The following VRK2 variants were observed in gnomAD, a reference collection of about 807,000 sequenced individuals.
VRK2 encodes serine/threonine-protein kinase VRK2.
In VRK2, 60 loss-of-function variants were observed where a neutral mutation model predicts 57.6. The ratio of observed to expected loss-of-function variants is 1.04; its 90% CI spans 0.85 to 1.29. The LOEUF is 1.29. Ranked by LOEUF, VRK2 falls within the 50% of genes most tolerant of loss-of-function variation. The probability of loss-of-function intolerance (pLI) is 0.00; values close to 1 mark genes in which losing one functional copy is unlikely to be tolerated. For missense variants in VRK2, 705 were observed against 588.1 expected (o/e 1.20, Z -2.06); for synonymous variants, 231 against 199.2 (o/e 1.16, Z -1.35).
rs537488119 is a variant in VRK2, at chr2:58,116,941, C to G, written c.544-6160C>G. The stretch of plus-strand genomic sequence containing the variant: ...GCTGCGGTTCAGGCGTTTGGAAGTT[C>G]TTGTGTGCTGGAGATGTGGCTGGGG... On this transcript the variant is annotated intron_variant, in intron 7 of 12. Coordinates refer to ENST00000340157, the MANE Select transcript of VRK2 (RefSeq NM_006296.7). Among the ~76,000 whole-genome samples, 49 of 152,208 alleles carry G rather than the reference C, an allele frequency of 3.2e-4. No individual in the cohort carries two copies. The South Asian group carries it at 9.4e-3, about 29-fold the overall frequency.
chr2:58,097,830 T>C (rs1673376850), intron 7 of VRK2, among the ~76,000 whole-genome samples: 1 of 146,108 alleles, frequency 6.8e-6, no homozygotes, highest in Non-Finnish European at 1.5e-5. Flanking sequence ...TAAACAACTA[T>C]GTTACTAGTT....
intron 1 of VRK2, among the ~76,000 whole-genome samples, chr2:57,994,521 G>C (rs1672866069): frequency 6.6e-6 from 1 of 152,092 alleles, no homozygotes; most frequent in Non-Finnish European, 1.5e-5. Flanking sequence ...ATGAATAACA[G>C]AAGAACAAAA....
At chr2:58,079,411 GACTTGCCCCAATTATT>G (rs1343641431) in intron 2 of VRK2, among the ~76,000 whole-genome samples, 2 of 151,860 alleles carry the variant, frequency 1.3e-5, no homozygotes, top group Non-Finnish European at 2.9e-5. Context: ...ATCTATTAAC[GACTTGCCCCAATTATT>G]ACTTGCCCCA....
chr2:58,087,485 C>A (rs892515579), intron 5 of VRK2, among the ~76,000 whole-genome samples: 1 of 152,028 alleles, frequency 6.6e-6, no homozygotes, highest in Non-Finnish European at 1.5e-5. Flanking sequence ...ATAATATGAT[C>A]ACATTTTTGT....
intron 1 of VRK2, among the ~76,000 whole-genome samples, chr2:57,963,235 A>C (rs1671814222): frequency 6.6e-6 from 1 of 152,162 alleles, no homozygotes; most frequent in Non-Finnish European, 1.5e-5. Context: ...ATGCACTCCT[A>C]ATTAGCATTT....
chr2:58,005,129 G>A (rs1399714584), intron 1 of VRK2, among the ~76,000 whole-genome samples: 1 of 152,114 alleles, frequency 6.6e-6, no homozygotes, highest in Non-Finnish European at 1.5e-5. Context: ...CCAATATATT[G>A]TATTCTGCAT....
chr2:58,119,285 G>C (rs1268211944), intron 7 of VRK2, among the ~76,000 whole-genome samples: 1 of 151,212 alleles, frequency 6.6e-6, no homozygotes, highest in Admixed American at 6.6e-5. Flanking sequence ...ATCACTTCAG[G>C]TCAGGAGTTC....
chr2:58,141,484 G>T (rs1681326139), intron 11 of VRK2, among the ~76,000 whole-genome samples: 1 of 151,752 alleles, frequency 6.6e-6, no homozygotes, highest in African/African-American at 2.4e-5. Context: ...TGATTATTTT[G>T]ATTATGAGTA....
chr2:58,005,112 G>C (rs1673203254), intron 1 of VRK2, among the ~76,000 whole-genome samples: 1 of 152,080 alleles, frequency 6.6e-6, no homozygotes, highest in Non-Finnish European at 1.5e-5. Context: ...AAAATATTAA[G>C]TTTTGTCCAA....
In VRK2 at chr2:58,137,224, C is replaced by CTCATATATGATACATATATCTCAT. The variant is rs1553422542; in HGVS notation, c.856+2025_856+2026insTCATATATGATACATATATCTCAT. Among the ~76,000 whole-genome samples, 20 of 65,148 alleles carry CTCATATATGATACATATATCTCAT rather than the reference C, an allele frequency of 3.1e-4. 1 individual carries two copies. The highest frequency in any genetic ancestry group is 1.6e-3 in the East Asian group (4 of 2,532). The allele number at this position is 65,148 out of a possible 152,430, so 42.7% of individuals were successfully genotyped here. ...TATCTCATATATGATACATATATAT[C>CTCATATATGATACATATATCTCAT]ATATGATACATATATATCATATATA... is the stretch of plus-strand genomic sequence containing the variant. On this transcript the variant is annotated intron_variant, in intron 10 of 12. Coordinates refer to ENST00000340157, the MANE Select transcript of VRK2 (RefSeq NM_006296.7).
At chr2:58,111,550 A>C (rs1040106688) in intron 7 of VRK2, among the ~76,000 whole-genome samples, 1 of 152,162 alleles carries the variant, frequency 6.6e-6, no homozygotes, top group Admixed American at 6.5e-5. Flanking sequence ...CCAGGAGTTC[A>C]AGACCAGCCC....
intron 2 of VRK2, among the ~76,000 whole-genome samples, chr2:58,081,796 C>T (rs565305651): frequency 8.6e-5 from 13 of 150,918 alleles, no homozygotes; most frequent in Admixed American, 5.3e-4. Flanking sequence ...TTTAATGATG[C>T]ATCTTATAAT....
intron 7 of VRK2, among the ~76,000 whole-genome samples, chr2:58,102,612 T>C (rs1031067583): frequency 6.6e-6 from 1 of 150,886 alleles, no homozygotes; most frequent in Non-Finnish European, 1.5e-5. Flanking sequence ...CATAAAACAA[T>C]ATTACGAGAC....
intron 3 of VRK2, 28 bp from the exon 4 acceptor site, chr2:58,084,853 G>T (rs750525683): frequency 5.7e-6 from 8 of 1,399,624 alleles, no homozygotes; most frequent in Non-Finnish European, 7.8e-6. Context: ...TTTTTTTCTA[G>T]TAAAATTAAT....
chr2:58,015,148 A>T (rs554065402), intron 1 of VRK2, among the ~76,000 whole-genome samples: 6 of 152,148 alleles, frequency 3.9e-5, no homozygotes, highest in African/African-American at 1.4e-4. Context: ...TTCTCTGCCA[A>T]ATCAAGAACA....
intron 2 of VRK2, among the ~76,000 whole-genome samples, chr2:58,068,489 T>C (rs1012066474): frequency 6.6e-6 from 1 of 152,190 alleles, no homozygotes; most frequent in African/African-American, 2.4e-5. Context: ...TTGACTATAA[T>C]GTGTCTGGGC....
At chr2:58,016,655 G>C (rs1433759900) in intron 1 of VRK2, among the ~76,000 whole-genome samples, 1 of 152,098 alleles carries the variant, frequency 6.6e-6, no homozygotes, top group Non-Finnish European at 1.5e-5. Flanking sequence ...CCACCACCTG[G>C]CCATGTTTTA....
intron 2 of VRK2, 67 bp from the exon 3 acceptor site, chr2:58,084,022 G>A: frequency 6.5e-7 from 1 of 1,546,600 alleles, no homozygotes; most frequent in Non-Finnish European, 8.8e-7. Flanking sequence ...TAGTGTTTGG[G>A]ATATGGTAGG....
In VRK2 at chr2:58,026,093, C is replaced by A. The variant is rs576380575; in HGVS notation, c.-333+323C>A. Among the ~76,000 whole-genome samples the A allele has an allele frequency of 2.6e-5, 4 of 152,262 alleles. No individual in the cohort carries two copies. In the South Asian group the frequency reaches 8.3e-4, roughly 32 times the overall value. On this transcript the variant is annotated intron_variant, in intron 2 of 15. Transcript: ENST00000417641. Reference sequence around the variant, plus strand: ...ACTTCAACTATTCCAAGTCTTCCCTCTTTCAATGTACTCTGTCTCACATTG... The same window carrying A: ...ACTTCAACTATTCCAAGTCTTCCCTATTTCAATGTACTCTGTCTCACATTG...
Sources: gnomAD v4.1 joint callset for allele counts (sites outside exome capture counted in the v4.1 genomes callset) on GRCh38, gnomAD v4.1.1 for gene constraint, MANE v1.5 for transcripts, NCBI Gene and HGNC (gene_info 2026-07-23, HGNC 2026-07-21) for gene names.